The following OR1B1 variants were observed in gnomAD, a reference collection of about 807,000 sequenced individuals.
OR1B1 encodes the protein olfactory receptor 1B1.
For synonymous variants in OR1B1, 168 were observed against 156.2 expected (o/e 1.08, Z -0.57); for missense variants, 414 against 402.1 (o/e 1.03, Z -0.25).
At chr9:122,636,793 G>A in the OR1B1 span, among the ~76,000 whole-genome samples, 2 of 152,240 alleles carry the variant, frequency 1.3e-5, no homozygotes, top group South Asian at 2.1e-4. Flanking sequence ...CAAAGGTTTC[G>A]GAGTCAGACT....
At chr9:122,634,715 C>T in the OR1B1 span, among the ~76,000 whole-genome samples, 4 of 152,092 alleles carry the variant, frequency 2.6e-5, no homozygotes, top group Non-Finnish European at 5.9e-5. Flanking sequence ...CAAACCATAC[C>T]AGAACCTGAA....
the OR1B1 span, among the ~76,000 whole-genome samples, chr9:122,639,846 G>A: frequency 2.0e-5 from 3 of 151,416 alleles, no homozygotes; most frequent in African/African-American, 7.3e-5. Flanking sequence ...TTGCTTCCAA[G>A]GTTATAAATG....
the OR1B1 span, among the ~76,000 whole-genome samples, chr9:122,642,693 G>A: frequency 1.3e-5 from 2 of 152,104 alleles, no homozygotes; most frequent in African/African-American, 2.4e-5. Flanking sequence ...TACCCCAGAC[G>A]ACAAACACTT....
At chr9:122,636,022 A>G in the OR1B1 span, among the ~76,000 whole-genome samples, 1 of 152,238 alleles carries the variant, frequency 6.6e-6, no homozygotes, top group South Asian at 2.1e-4. Context: ...AAGCATTTTT[A>G]CGGATACTGT....
At chr9:122,629,629 T>TA, upstream of OR1B1, 1 of 790,318 alleles carries the variant, frequency 1.3e-6, no homozygotes, top group Non-Finnish European at 2.1e-6. Flanking sequence ...TTAATTATAT[T>TA]ACGTTACTAA....
At chr9:122,637,164 C>G in the OR1B1 span, 1 of 152,088 alleles carries the variant, frequency 6.6e-6, no homozygotes, top group Non-Finnish European at 1.5e-5. Flanking sequence ...CTGTCTTCAT[C>G]TTTGCACCAT....
At chr9:122,639,637 A>G in the OR1B1 span, 1 of 152,090 alleles carries the variant, frequency 6.6e-6, no homozygotes, top group Admixed American at 6.6e-5. Flanking sequence ...CTACTTTCAC[A>G]AAGTTGTTGG....
At chr9:122,630,717 T>G (rs1588242588), upstream of OR1B1, among the ~76,000 whole-genome samples, 1 of 152,096 alleles carries the variant, frequency 6.6e-6, no homozygotes, top group South Asian at 2.1e-4. Flanking sequence ...TGTTTTTGTT[T>G]TTGTTTTTTT....
chr9:122,656,282 G>A, the OR1B1 span, among the ~76,000 whole-genome samples: 1 of 152,120 alleles, frequency 6.6e-6, no homozygotes. Context: ...CATAGACAAA[G>A]ACAATTTTCT....
chr9:122,657,276 T>C, the OR1B1 span, among the ~76,000 whole-genome samples: 1 of 146,166 alleles, frequency 6.8e-6, no homozygotes, highest in Non-Finnish European at 1.5e-5. Flanking sequence ...TATTACATAA[T>C]TAAATCTTTA....
chr9:122,629,907 A>T (rs373100795), upstream of OR1B1, among the ~76,000 whole-genome samples: 1 of 152,160 alleles, frequency 6.6e-6, no homozygotes, highest in Non-Finnish European at 1.5e-5. Flanking sequence ...CACTGTCTCC[A>T]GTTCCTTACC....
chr9:122,642,173 G>A, the OR1B1 span, among the ~76,000 whole-genome samples: 20 of 151,988 alleles, frequency 1.3e-4, no homozygotes, highest in African/African-American at 4.1e-4. Context: ...AGAAAAGGAG[G>A]GTAGAGTGAG....
At chr9:122,645,904 T>C in the OR1B1 span, among the ~76,000 whole-genome samples, 10 of 152,198 alleles carry the variant, frequency 6.6e-5, 1 homozygote, top group African/African-American at 2.4e-4. Flanking sequence ...CAGATTAGTA[T>C]AACACTATAA....
the OR1B1 span, among the ~76,000 whole-genome samples, chr9:122,643,029 A>G: frequency 6.6e-6 from 1 of 152,204 alleles, no homozygotes; most frequent in African/African-American, 2.4e-5. Flanking sequence ...TGATAAAAGA[A>G]TGGGGGTGTG....
the OR1B1 span, among the ~76,000 whole-genome samples, chr9:122,639,284 G>T: frequency 6.6e-6 from 1 of 152,026 alleles, no homozygotes; most frequent in African/African-American, 2.4e-5. Flanking sequence ...AGTTTGAGAC[G>T]ATCTTAAATG....
At chr9:122,650,786 A>G in the OR1B1 span, among the ~76,000 whole-genome samples, 47,926 of 151,906 alleles carry the variant, frequency 0.32, 8,913 homozygotes, top group East Asian at 0.63. Flanking sequence ...CACTTTGGGA[A>G]GCTGAGGTGG....
upstream of OR1B1, chr9:122,629,676 A>T: frequency 1.6e-5 from 9 of 573,884 alleles, no homozygotes; most frequent in East Asian, 2.8e-5. Flanking sequence ...TTGACCATCT[A>T]CTCTCCCTCC....
the OR1B1 span, among the ~76,000 whole-genome samples, chr9:122,649,293 A>G: frequency 6.6e-6 from 1 of 152,226 alleles, no homozygotes; most frequent in Non-Finnish European, 1.5e-5. Flanking sequence ...TAAAACCATA[A>G]AAACCCTAGA....
At chr9:122,641,363 T>C in the OR1B1 span, among the ~76,000 whole-genome samples, 1 of 152,248 alleles carries the variant, frequency 6.6e-6, no homozygotes, top group Non-Finnish European at 1.5e-5. Flanking sequence ...TAAAGTTCCA[T>C]GTTTCCAAAA....
Sources: gnomAD v4.1 joint callset for allele counts (sites outside exome capture counted in the v4.1 genomes callset) on GRCh38, gnomAD v4.1.1 for gene constraint, MANE v1.5 for transcripts, NCBI Gene and HGNC (gene_info 2026-07-23, HGNC 2026-07-21) for gene names.